SCLT1: variants seen among roughly 807,000 people sequenced by gnomAD.
SCLT1 encodes the protein sodium channel-associated protein 1.
A neutral mutation model predicts 112.8 loss-of-function variants in SCLT1; 78 were observed. The ratio of observed to expected loss-of-function variants is 0.69; its 90% CI spans 0.58 to 0.83. The LOEUF (loss-of-function observed/expected upper bound fraction) is 0.83. Among genes scored for constraint, SCLT1 ranks in the 40% least tolerant of loss-of-function variants. The probability of loss-of-function intolerance (pLI) is 0.00; values close to 1 mark genes in which losing one functional copy is unlikely to be tolerated. For missense variants in SCLT1, 747 were observed against 770.4 expected, an observed-to-expected ratio of 0.97 and a Z score of 0.36; for synonymous variants, 257 against 254.7, an observed-to-expected ratio of 1.01 and a Z score of -0.09.
At chr4:128,932,847 C>T (rs1158313038) in intron 18 of SCLT1, among the ~76,000 whole-genome samples, 2 of 152,002 alleles carry the variant, frequency 1.3e-5, no homozygotes, top group Non-Finnish European at 2.9e-5. Flanking sequence ...ATTCCATTTA[C>T]AATAGCTACT....
chr4:129,045,226 T>G (rs1298410093), intron 2 of SCLT1, among the ~76,000 whole-genome samples: 1 of 152,132 alleles, frequency 6.6e-6, no homozygotes, highest in Non-Finnish European at 1.5e-5. Context: ...CTGTTTTGTT[T>G]GCAAATATCC....
chr4:129,075,146 A>G (rs1001522750), intron 2 of SCLT1, among the ~76,000 whole-genome samples: 6 of 152,172 alleles, frequency 3.9e-5, no homozygotes, highest in Non-Finnish European at 7.4e-5. Context: ...ACACTCTGTA[A>G]GCACTCTAAT....
intron 4 of SCLT1, chr4:129,040,114 C>T: frequency 2.9e-6 from 2 of 692,830 alleles, no homozygotes; most frequent in South Asian, 1.5e-5. Context: ...TCTCTTTCAA[C>T]CGAGAAGATC....
At chr4:129,012,969 C>T (rs891397886) in intron 5 of SCLT1, among the ~76,000 whole-genome samples, 3 of 151,940 alleles carry the variant, frequency 2.0e-5, no homozygotes, top group Non-Finnish European at 4.4e-5. Flanking sequence ...ATTCAGTTTG[C>T]CATTCTGTGT....
intron 13 of SCLT1, among the ~76,000 whole-genome samples, chr4:128,956,261 C>T (rs1294159478): frequency 6.6e-6 from 1 of 151,720 alleles, no homozygotes; most frequent in Admixed American, 6.6e-5. Flanking sequence ...ATGCTCATAC[C>T]AAGAATACTT....
intron 15 of SCLT1, among the ~76,000 whole-genome samples, chr4:128,947,260 G>A (rs1416862164): frequency 6.6e-6 from 1 of 152,052 alleles, no homozygotes; most frequent in East Asian, 1.9e-4. Context: ...CTTAACCTTT[G>A]CCATGTGATG....
At chr4:128,914,538 A>G (rs1735335133) in intron 18 of SCLT1, among the ~76,000 whole-genome samples, 1 of 152,168 alleles carries the variant, frequency 6.6e-6, no homozygotes, top group African/African-American at 2.4e-5. Context: ...CCAGGGATAA[A>G]TGAAGAGTTT....
At chr4:128,994,271 C>T (rs1719488275) in intron 8 of SCLT1, among the ~76,000 whole-genome samples, 1 of 152,088 alleles carries the variant, frequency 6.6e-6, no homozygotes, top group Non-Finnish European at 1.5e-5. Context: ...TAAAATCATA[C>T]AGTGTTTAGT....
intron 17 of SCLT1, among the ~76,000 whole-genome samples, chr4:128,941,768 G>A (rs1478241914): frequency 1.3e-5 from 2 of 152,114 alleles, no homozygotes; most frequent in African/African-American, 4.8e-5. Context: ...TTTTCTCCTA[G>A]AAACTATCAT....
At chr4:129,007,188 C>T (rs1579675314) in intron 5 of SCLT1, among the ~76,000 whole-genome samples, 2 of 151,774 alleles carry the variant, frequency 1.3e-5, no homozygotes, top group African/African-American at 2.4e-5. Context: ...AAAACTATCA[C>T]GTGTACTTAG....
At chr4:128,982,661 C>T (rs1365183922) in intron 9 of SCLT1, among the ~76,000 whole-genome samples, 1 of 151,924 alleles carries the variant, frequency 6.6e-6, no homozygotes, top group Admixed American at 6.6e-5. Flanking sequence ...ATCACCATGC[C>T]CGGCTAATTT....
chr4:129,065,233 T>A lies in SCLT1; in HGVS notation c.102+17073A>T, dbSNP rs180866957. Reference sequence around the variant, plus strand: ...TAGTAATATTTCTTAGTTAAATCTATTTCATTTCATATCACTAGGCCTATG... The same window carrying A: ...TAGTAATATTTCTTAGTTAAATCTAATTCATTTCATATCACTAGGCCTATG... On this transcript the variant is annotated intron_variant, in intron 2 of 20. Coordinates refer to ENST00000281142, the MANE Select transcript of SCLT1 (RefSeq NM_144643.4). Among the ~76,000 whole-genome samples the A allele has an allele frequency of 4.6e-5, 7 of 152,180 alleles. No homozygotes were observed. In the East Asian group the frequency reaches 7.7e-4, roughly 17 times the overall value.
rs1398358470 is a variant in SCLT1 at position 128,896,844 on chromosome 4, T to C, written c.1830-5707A>G. Among the ~76,000 whole-genome samples the C allele has an allele frequency of 2.6e-5, 4 of 152,136 alleles. No homozygotes were observed. The East Asian group carries it at 7.7e-4, about 29-fold the overall frequency. Reference sequence around the variant, plus strand: ...AAGTCCTTAAAGGACCTGATGGAGCTGAAAGCCAAGGCTCGAGAACTACCT... The same window carrying C: ...AAGTCCTTAAAGGACCTGATGGAGCCGAAAGCCAAGGCTCGAGAACTACCT... On this transcript the variant is annotated intron_variant, in intron 18 of 20. Coordinates refer to ENST00000281142, the MANE Select transcript of SCLT1 (RefSeq NM_144643.4).
intron 4 of SCLT1, chr4:129,039,896 GCGCGCACA>G (rs1200201618): frequency 1.6e-4 from 33 of 206,580 alleles, no homozygotes; most frequent in African/African-American, 6.3e-4. Flanking sequence ...GAGTGTGCGC[GCGCGCACA>G]CACACACACA....
At chr4:129,007,722 T>C (rs903457233) in intron 5 of SCLT1, among the ~76,000 whole-genome samples, 10 of 152,176 alleles carry the variant, frequency 6.6e-5, no homozygotes, top group Non-Finnish European at 1.3e-4. Flanking sequence ...ACAGCAAAAT[T>C]TAATGCAATT....
chr4:129,023,620 G>A (rs576564979), intron 5 of SCLT1, among the ~76,000 whole-genome samples: 9 of 152,298 alleles, frequency 5.9e-5, no homozygotes, highest in African/African-American at 1.9e-4. Flanking sequence ...CGCAGAAAAC[G>A]GGTGATTTCT....
At chr4:129,090,173 C>T (rs1020367200) in intron 1 of SCLT1, among the ~76,000 whole-genome samples, 3 of 151,950 alleles carry the variant, frequency 2.0e-5, no homozygotes, top group Non-Finnish European at 4.4e-5. Context: ...CAAAGTATAG[C>T]TGAGAAAATT....
intron 13 of SCLT1, among the ~76,000 whole-genome samples, chr4:128,953,645 A>T (rs1032914621): frequency 6.6e-6 from 1 of 151,864 alleles, no homozygotes; most frequent in Non-Finnish European, 1.5e-5. Context: ...AAAAAATACA[A>T]AAAATTAGCC....
At chr4:128,969,750 G>C (rs1425288104) in intron 10 of SCLT1, among the ~76,000 whole-genome samples, 5 of 152,136 alleles carry the variant, frequency 3.3e-5, no homozygotes, top group Middle Eastern at 6.8e-3. Flanking sequence ...ACTTCTTTCT[G>C]TTTTGGGTGC....
Sources: allele counts gnomAD v4.1 joint callset (sites outside exome capture counted in the v4.1 genomes callset), GRCh38; gene constraint gnomAD v4.1.1; transcripts MANE v1.5; gene names NCBI Gene and HGNC (gene_info 2026-07-23, HGNC 2026-07-21).